The following PRKG1 variants were observed in gnomAD, a reference collection of about 807,000 sequenced individuals.
PRKG1 encodes the protein cGMP-dependent protein kinase 1.
A neutral mutation model predicts 88.1 loss-of-function variants in PRKG1; 35 were observed. The observed-to-expected ratio is 0.40, with a 90% CI of 0.30 to 0.53. The LOEUF (loss-of-function observed/expected upper bound fraction) is 0.53, where lower values mean the gene tolerates loss of function less well. Among genes scored for constraint, PRKG1 ranks in the 20% least tolerant of loss-of-function variants. The pLI, the probability that PRKG1 is intolerant of heterozygous loss-of-function variation, is 0.59. For missense variants in PRKG1, 540 were observed against 839.8 expected (o/e 0.64, Z 4.41); for synonymous variants, 303 against 292.5 (o/e 1.04, Z -0.37).
intron 7 of PRKG1, among the ~76,000 whole-genome samples, chr10:52,084,758 A>C (rs193232642): frequency 4.7e-4 from 72 of 152,176 alleles, no homozygotes; most frequent in Non-Finnish European, 6.5e-4. Flanking sequence ...TATCTAGTTA[A>C]CAGCCCCATG....
At chr10:52,047,233 A>G (rs1240227533) in intron 5 of PRKG1, among the ~76,000 whole-genome samples, 1 of 152,184 alleles carries the variant, frequency 6.6e-6, no homozygotes, top group East Asian at 1.9e-4. Context: ...GAAGGAGAGC[A>G]TATTAAAATT....
At chr10:51,053,040 G>A (rs1341441087) in intron 1 of PRKG1, among the ~76,000 whole-genome samples, 1 of 151,994 alleles carries the variant, frequency 6.6e-6, no homozygotes, top group African/African-American at 2.4e-5. Flanking sequence ...GACCAGCCTG[G>A]CCAACATAGT....
At chr10:51,246,613 GA>G (rs11314803) in intron 2 of PRKG1, among the ~76,000 whole-genome samples, 92,937 of 143,618 alleles carry the variant, frequency 0.65, 31,117 homozygotes, top group African/African-American at 0.9. Flanking sequence ...AGAAAAAAAA[GA>G]AAAAAAAAAA....
At chr10:51,963,608 C>G (rs563498381) in intron 5 of PRKG1, among the ~76,000 whole-genome samples, 1 of 151,834 alleles carries the variant, frequency 6.6e-6, no homozygotes, top group South Asian at 2.1e-4. Flanking sequence ...CCACCATGCC[C>G]GGCTAATTTT....
chr10:51,293,351 T>C (rs1167031549), intron 2 of PRKG1, among the ~76,000 whole-genome samples: 1 of 152,132 alleles, frequency 6.6e-6, no homozygotes, highest in Non-Finnish European at 1.5e-5. Flanking sequence ...AAATTTTGTA[T>C]GCCCTGGCCA....
chr10:51,507,400 A>G (rs1421914308), intron 3 of PRKG1, among the ~76,000 whole-genome samples: 1 of 151,214 alleles, frequency 6.6e-6, no homozygotes, highest in Admixed American at 6.6e-5. Flanking sequence ...TAAATGAGCT[A>G]TCTGAAGAAA....
In PRKG1 at chr10:52,053,452, G is replaced by C. The variant is rs562105347; in HGVS notation, c.763-1032G>C. On this transcript the variant is annotated intron_variant, in intron 5 of 17. Coordinates refer to ENST00000373980, the MANE Select transcript of PRKG1 (RefSeq NM_006258.4). ...ACAAATAACAACCATCAGTCTAATG[G>C]ATACTGCATGTAAACCACGAATTCT... Among the ~76,000 whole-genome samples, 7 of 152,230 alleles carry C rather than the reference G, an allele frequency of 4.6e-5. No individual in the cohort carries two copies. In the South Asian group the frequency reaches 1.4e-3, roughly 32 times the overall value.
At chr10:51,295,131 G>A (rs1840686947) in intron 2 of PRKG1, among the ~76,000 whole-genome samples, 1 of 151,986 alleles carries the variant, frequency 6.6e-6, no homozygotes, top group Non-Finnish European at 1.5e-5. Context: ...GTCTTTTATG[G>A]TTCCATATGA....
chr10:51,676,523 A>T lies in PRKG1; in HGVS notation c.593-128062A>T, dbSNP rs573312016. On this transcript the variant is annotated intron_variant, in intron 3 of 17. Coordinates refer to ENST00000373980, the MANE Select transcript of PRKG1 (RefSeq NM_006258.4). ...TTTCCTCCCACTGTTAACCTGAGCA[A>T]AGAATGATCAAAAAGTATGTAGGAG... 4.0e-4 allele frequency among the ~76,000 whole-genome samples: 61 copies of T among 152,270 alleles called. 1 individual carries two copies. Among genetic ancestry groups the T allele is most frequent in the African/African-American group, 1.4e-3 (57 of 41,562 alleles).
At chr10:52,117,206 T>C (rs2132602905) in intron 7 of PRKG1, among the ~76,000 whole-genome samples, 1 of 50,960 alleles carries the variant, frequency 2.0e-5, no homozygotes, top group Non-Finnish European at 4.3e-5. Flanking sequence ...GTGTGTATGA[T>C]TGGTAGCTTA....
At chr10:51,424,477 G>A (rs1265516733) in intron 2 of PRKG1, among the ~76,000 whole-genome samples, 2 of 152,056 alleles carry the variant, frequency 1.3e-5, no homozygotes, top group African/African-American at 2.4e-5. Flanking sequence ...AGGTACCTGT[G>A]TTAAAATGAT....
intron 9 of PRKG1, among the ~76,000 whole-genome samples, chr10:52,233,066 A>G (rs1840564353): frequency 6.6e-6 from 1 of 152,128 alleles, no homozygotes; most frequent in African/African-American, 2.4e-5. Context: ...CACTTTATAT[A>G]GTTTCTTCTA....
chr10:51,084,092 G>A (rs1018993073), intron 1 of PRKG1, among the ~76,000 whole-genome samples: 5 of 152,186 alleles, frequency 3.3e-5, no homozygotes, highest in African/African-American at 1.2e-4. Context: ...CAGATAGTAT[G>A]TTAAAACAGA....
chr10:51,238,062 A>T (rs1281951050), intron 2 of PRKG1, among the ~76,000 whole-genome samples: 2 of 151,942 alleles, frequency 1.3e-5, no homozygotes, highest in Non-Finnish European at 2.9e-5. Context: ...TTCTTCTATT[A>T]AAAAAAATTG....
chr10:52,070,235 T>C (rs1393808225), intron 7 of PRKG1, among the ~76,000 whole-genome samples: 1 of 152,228 alleles, frequency 6.6e-6, no homozygotes, highest in African/African-American at 2.4e-5. Flanking sequence ...GATTTATTCT[T>C]TGAAGAGATG....
intron 2 of PRKG1, among the ~76,000 whole-genome samples, chr10:51,441,293 C>G (rs1479397784): frequency 6.6e-6 from 1 of 151,946 alleles, no homozygotes; most frequent in Non-Finnish European, 1.5e-5. Context: ...GTATTGTGAA[C>G]TTATCAAAGA....
intron 8 of PRKG1, among the ~76,000 whole-genome samples, chr10:52,137,711 A>T (rs1837465918): frequency 6.6e-6 from 1 of 152,124 alleles, no homozygotes; most frequent in Admixed American, 6.6e-5. Context: ...GGAAATTACG[A>T]GAAAAAAATT....
At chr10:51,017,316 C>T (rs1843080308) in intron 1 of PRKG1, among the ~76,000 whole-genome samples, 1 of 151,928 alleles carries the variant, frequency 6.6e-6, no homozygotes, top group South Asian at 2.1e-4. Flanking sequence ...GTTTACAAGC[C>T]TGTCTTCTCA....
At chr10:51,605,268 T>G (rs540275477) in intron 3 of PRKG1, among the ~76,000 whole-genome samples, 32 of 152,210 alleles carry the variant, frequency 2.1e-4, no homozygotes, top group African/African-American at 7.2e-4. Context: ...ACCAGAGTAG[T>G]CTTGGAAAAT....
Sources: allele counts gnomAD v4.1 joint callset (sites outside exome capture counted in the v4.1 genomes callset), GRCh38; gene constraint gnomAD v4.1.1; transcripts MANE v1.5; gene names NCBI Gene and HGNC (gene_info 2026-07-23, HGNC 2026-07-21).